The following NME8 variants were observed in gnomAD, a reference collection of about 807,000 sequenced individuals.
The protein encoded by NME8 is protein NME8.
In NME8, 72 loss-of-function variants were observed where a neutral mutation model predicts 82.3. The ratio of observed to expected loss-of-function variants is 0.87; its 90% confidence interval spans 0.72 to 1.06. The LOEUF is 1.06. Among genes scored for constraint, NME8 ranks in the 50% least tolerant of loss-of-function variants. The pLI, the probability that NME8 is intolerant of heterozygous loss-of-function variation, is 0.00. For synonymous variants in NME8, 267 were observed against 228.5 expected (o/e 1.17, Z -1.52); for missense variants, 712 against 685.4 (o/e 1.04, Z -0.43).
At chr7:37,897,176 G>C in intron 17 of NME8, 69 bp downstream of exon 17, 1 of 963,880 alleles carries the variant, frequency 1.0e-6, no homozygotes, top group Non-Finnish European at 1.6e-6. Context: ...GGACAAACCT[G>C]TCCTAAAAAG....
intron 15 of NME8, among the ~76,000 whole-genome samples, chr7:37,893,540 C>G (rs1785167148): frequency 6.6e-6 from 1 of 152,070 alleles, no homozygotes; most frequent in Non-Finnish European, 1.5e-5. Context: ...ATACATTACT[C>G]ACTCTGCCTG....
chr7:37,890,458 TCTC>T (rs1220701433), intron 15 of NME8, among the ~76,000 whole-genome samples: 2 of 151,918 alleles, frequency 1.3e-5, no homozygotes, highest in Non-Finnish European at 2.9e-5. Flanking sequence ...ACATTCAAAG[TCTC>T]CTCTTCTACC....
chr7:37,856,829 C>G (rs2131942620), intron 5 of NME8, among the ~76,000 whole-genome samples: 1 of 152,266 alleles, frequency 6.6e-6, no homozygotes, highest in East Asian at 1.9e-4. Context: ...GCACACAACT[C>G]TCCTTCTAAC....
At chr7:37,891,511 A>T (rs2131972902) in intron 15 of NME8, among the ~76,000 whole-genome samples, 1 of 151,962 alleles carries the variant, frequency 6.6e-6, no homozygotes, top group South Asian at 2.1e-4. Flanking sequence ...TTTAAGTTAT[A>T]TTTACTTTAC....
intron 14 of NME8, among the ~76,000 whole-genome samples, chr7:37,887,985 G>C (rs958750836): frequency 2.0e-5 from 3 of 152,124 alleles, no homozygotes; most frequent in Non-Finnish European, 4.4e-5. Flanking sequence ...TTCAACATGA[G>C]AATTGGGTGG....
rs1784417688 is a variant in NME8, at chr7:37,850,155, C to G, written c.-7-105C>G. 4.9e-6 allele frequency: 4 copies of G among 816,846 alleles called. No individual in the cohort carries two copies. In the Admixed American group the frequency reaches 7.3e-5, roughly 15 times the overall value. 50.6% of individuals were successfully genotyped at this position (816,846 alleles called of 1,614,324 possible). A position where few individuals can be genotyped will look rare whatever the true frequency, so the allele number is the denominator to read the frequency against. On this transcript the variant is annotated intron_variant, in intron 2 of 17. Transcript: ENST00000199447. ...CATAAATATATACACCTACTATGTA[C>G]CCACAAAAATTAAAAATTGTTTTAA...
intron 15 of NME8, among the ~76,000 whole-genome samples, chr7:37,888,863 GT>G (rs921604808): frequency 1.1e-4 from 16 of 146,048 alleles, no homozygotes; most frequent in Admixed American, 2.0e-4. Flanking sequence ...ATTTTACTTG[GT>G]TTTTTTTTTC....
chr7:37,869,408 C>T (rs1784736615), intron 11 of NME8, among the ~76,000 whole-genome samples: 1 of 151,990 alleles, frequency 6.6e-6, no homozygotes, highest in Non-Finnish European at 1.5e-5. Flanking sequence ...AAATTTTGAG[C>T]CATTCAAAAA....
chr7:37,882,559 GAAAGAA>G (rs1308606516), intron 12 of NME8, among the ~76,000 whole-genome samples: 6 of 21,604 alleles, frequency 2.8e-4, no homozygotes, highest in Non-Finnish European at 1.1e-4. Context: ...AAGAAAGAAA[GAAAGAA>G]AGAAAGAAAG....
intron 12 of NME8, 137 bp downstream of exon 12, chr7:37,877,144 C>A: frequency 1.4e-6 from 1 of 697,908 alleles, no homozygotes; most frequent in Non-Finnish European, 2.5e-6. Flanking sequence ...AATGTATTAA[C>A]TTACTAATAT....
intron 15 of NME8, among the ~76,000 whole-genome samples, chr7:37,891,671 TTC>T (rs1785131169): frequency 6.6e-6 from 1 of 152,004 alleles, no homozygotes; most frequent in Non-Finnish European, 1.5e-5. Context: ...GGTTCTTAGT[TTC>T]TGTTTCTGAT....
At chr7:37,864,464 A>T (rs564369668) in intron 9 of NME8, 43 bp downstream of exon 9, 5 of 254,508 alleles carry the variant, frequency 2.0e-5, no homozygotes, top group African/African-American at 1.5e-4. Flanking sequence ...ATTGCAAAAT[A>T]ACAACCTCTT....
At chr7:37,862,286 T>C in intron 7 of NME8, 142 bp downstream of exon 7, 1 of 692,128 alleles carries the variant, frequency 1.4e-6, no homozygotes, top group Non-Finnish European at 2.6e-6. Flanking sequence ...CATTACCTTT[T>C]ATTTGATGTT....
chr7:37,864,337 T>C lies in NME8; in HGVS notation c.455-11T>C, dbSNP rs971234156. 8 of 1,590,688 alleles carry C rather than the reference T, an allele frequency of 5.0e-6. No individual in the cohort carries two copies. The highest frequency in any genetic ancestry group is 6.9e-6 in the Non-Finnish European group (8 of 1,163,102). ...AAATGAAATTCTGTCTTTTTCTAAA[T>C]TTTTTTCCAGAGGAATTATACAGTA... On this transcript the variant is annotated splice_polypyrimidine_tract_variant and intron_variant, in intron 8 of 17. Coordinates refer to ENST00000199447, the MANE Select transcript of NME8 (RefSeq NM_016616.5).
At chr7:37,882,587 G>GAAAGAAAA (rs1430262623) in intron 12 of NME8, among the ~76,000 whole-genome samples, 1 of 68,918 alleles carries the variant, frequency 1.5e-5, no homozygotes, top group Non-Finnish European at 2.9e-5. Context: ...AAGAAAGAAA[G>GAAAGAAAA]AAAGAAAGAA....
chr7:37,857,352 A>G lies in NME8; in HGVS notation c.270+7A>G, dbSNP rs1784526356. On this transcript the variant is annotated splice_region_variant and intron_variant, in intron 6 of 17. Transcript: ENST00000199447. ...TGTTTTTCTCTTTAGTGTTGTAAGTATATTTACTTTCTCAATTGCATTATC... is the reference window on the plus strand; with the variant it reads ...TGTTTTTCTCTTTAGTGTTGTAAGTGTATTTACTTTCTCAATTGCATTATC... The G allele has an allele frequency of 2.5e-6, 4 of 1,576,982 alleles. No homozygotes were observed. Among genetic ancestry groups the G allele is most frequent in the South Asian group, 2.2e-5 (2 of 90,086 alleles).
intron 12 of NME8, among the ~76,000 whole-genome samples, chr7:37,877,825 A>C (rs1203677485): frequency 1.3e-5 from 2 of 152,186 alleles, no homozygotes; most frequent in East Asian, 3.8e-4. Flanking sequence ...TCAAATTGTG[A>C]CAACGTCAAA....
Position 37,872,192 on chromosome 7 carries a change from A to T in NME8, c.818+4294A>T, listed in dbSNP as rs1784775336. On this transcript the variant is annotated intron_variant, in intron 11 of 17. Coordinates refer to ENST00000199447, the MANE Select transcript of NME8 (RefSeq NM_016616.5). ...AAAGGGCCAGGATAGAACTGAGTAGAATTATTGAATTCCTTGCCCTAGCTA... is the reference window on the plus strand; with the variant it reads ...AAAGGGCCAGGATAGAACTGAGTAGTATTATTGAATTCCTTGCCCTAGCTA... Among the ~76,000 whole-genome samples the T allele has an allele frequency of 1.3e-5, 2 of 152,170 alleles. 1 individual carries two copies. Among genetic ancestry groups the T allele is most frequent in the Admixed American group, 1.3e-4 (2 of 15,274 alleles).
chr7:37,855,455 A>G (rs2131941544), intron 5 of NME8, among the ~76,000 whole-genome samples: 1 of 152,240 alleles, frequency 6.6e-6, no homozygotes, highest in African/African-American at 2.4e-5. Flanking sequence ...TTCTTCCTTA[A>G]GTCTTGGTGC....
Sources: gnomAD v4.1 joint callset for allele counts (sites outside exome capture counted in the v4.1 genomes callset) on GRCh38, gnomAD v4.1.1 for gene constraint, MANE v1.5 for transcripts, NCBI Gene and HGNC (gene_info 2026-07-23, HGNC 2026-07-21) for gene names.